SAMM50: variants seen among roughly 807,000 people sequenced by gnomAD.
SAMM50 encodes SAMM50 sorting and assembly machinery component.
A neutral mutation model predicts 66.9 loss-of-function variants in SAMM50; 47 were observed. The ratio of observed to expected loss-of-function variants is 0.70; its 90% CI spans 0.56 to 0.90. The LOEUF is 0.90. SAMM50 is among the 40% of genes least tolerant of loss of function. The probability of loss-of-function intolerance (pLI) is 0.00; values close to 1 mark genes in which losing one functional copy is unlikely to be tolerated. For synonymous variants in SAMM50, 191 were observed against 214.1 expected, an observed-to-expected ratio of 0.89 and a Z score of 0.94; for missense variants, 535 against 595.3, an observed-to-expected ratio of 0.90 and a Z score of 1.05.
chr22:43,962,361 G>A lies in SAMM50; in HGVS notation c.22-925G>A, dbSNP rs6006592. 3.0e-3 allele frequency among the ~76,000 whole-genome samples: 463 copies of A among 152,246 alleles called. 2 individuals carry two copies. The highest frequency in any genetic ancestry group is 0.011 in the African/African-American group (451 of 41,552). ...TCAAAAAACTGTAAGTTGAAGCATT[G>A]TAAGTCAGAGACTGTCTGTCTTAAC... On this transcript the variant is annotated intron_variant, in intron 1 of 14. Coordinates refer to ENST00000350028, the MANE Select transcript of SAMM50 (RefSeq NM_015380.5).
Position 43,955,571 on chromosome 22 carries a change from G to C in SAMM50, c.-7G>C, listed in dbSNP as rs374902835. The C allele has an allele frequency of 2.8e-5, 45 of 1,600,710 alleles. No homozygotes were observed. In the Admixed American group the frequency reaches 4.3e-4, roughly 15 times the overall value. ...AGCTCTGCGAGGCAGCGGCTGGAGA[G>C]GGAACCATGGGGACTGTGCACGCCC... is the stretch of plus-strand genomic sequence containing the variant. On this transcript the variant is annotated 5_prime_UTR_variant, in exon 1 of 15. Transcript: ENST00000350028.
In SAMM50 at chr22:43,986,099, T is replaced by G. The variant is rs552713505; in HGVS notation, c.1075+2099T>G. Among the ~76,000 whole-genome samples, 19 of 146,034 alleles carry G rather than the reference T, an allele frequency of 1.3e-4. No homozygotes were observed. In the East Asian group the frequency reaches 1.4e-3, roughly 11 times the overall value. ...GCTCTGTTGCCCAGACTGGAGTGCA[T>G]TGGCGCAATCTCAGCTCACTGCAAC... On this transcript the variant is annotated intron_variant, in intron 12 of 14. Coordinates refer to ENST00000350028, the MANE Select transcript of SAMM50 (RefSeq NM_015380.5).
At chr22:43,968,645 A>G (rs1248965879) in intron 3 of SAMM50, 86 bp from the exon 4 acceptor site, 5 of 923,084 alleles carry the variant, frequency 5.4e-6, no homozygotes, top group Non-Finnish European at 8.9e-6. Flanking sequence ...CGAATGGTAA[A>G]CTACCAGCCT....
At chr22:43,978,606 G>T (rs1382925080) in intron 10 of SAMM50, among the ~76,000 whole-genome samples, 1 of 151,726 alleles carries the variant, frequency 6.6e-6, no homozygotes, top group East Asian at 1.9e-4. Context: ...TCACTTTGCT[G>T]GGTCTACAGG....
At chr22:43,958,630 C>G (rs979443956) in intron 1 of SAMM50, among the ~76,000 whole-genome samples, 35 of 152,108 alleles carry the variant, frequency 2.3e-4, no homozygotes, top group African/African-American at 8.4e-4. Context: ...AGGCGTGTGC[C>G]ATCACACCTG....
chr22:43,957,052 C>T (rs2050123268), intron 1 of SAMM50: 2 of 1,006,230 alleles, frequency 2.0e-6, no homozygotes, highest in Non-Finnish European at 3.2e-6. Context: ...TGGTCCAAGG[C>T]CATTTTTGCT....
chr22:43,982,825 G>A (rs1393073371), intron 11 of SAMM50, among the ~76,000 whole-genome samples: 1 of 152,102 alleles, frequency 6.6e-6, no homozygotes, highest in Admixed American at 6.5e-5. Context: ...TAGTAGAGGC[G>A]AGGTTTTACC....
intron 13 of SAMM50, among the ~76,000 whole-genome samples, chr22:43,989,976 C>T (rs766861607): frequency 2.0e-4 from 31 of 152,124 alleles, no homozygotes; most frequent in Non-Finnish European, 4.0e-4. Flanking sequence ...AGTGGGGCTT[C>T]CCAGGTGGTC....
chr22:43,957,360 G>T, intron 1 of SAMM50: 1 of 511,186 alleles, frequency 2.0e-6, no homozygotes, highest in Non-Finnish European at 3.6e-6. Flanking sequence ...CTAATGAAAA[G>T]TCAATAAATC....
chr22:43,961,035 G>A (rs957108358), intron 1 of SAMM50, among the ~76,000 whole-genome samples: 1 of 152,160 alleles, frequency 6.6e-6, no homozygotes, highest in African/African-American at 2.4e-5. Context: ...TCTTCCTTTA[G>A]GTACTTCTGA....
intron 9 of SAMM50, among the ~76,000 whole-genome samples, chr22:43,977,228 G>A (rs1023318203): frequency 2.0e-5 from 3 of 152,216 alleles, no homozygotes; most frequent in African/African-American, 7.2e-5. Context: ...AGAGGAGCGT[G>A]CTTCTCTGCT....
At chr22:43,955,725 C>A (rs891323575) in intron 1 of SAMM50, 127 bp downstream of exon 1, 1 of 1,072,278 alleles carries the variant, frequency 9.3e-7, no homozygotes, top group Non-Finnish European at 1.3e-6. Context: ...GGGTGCCGGG[C>A]TGGGTGGAGG....
Position 43,977,878 on chromosome 22 carries a change from G to T in SAMM50, c.856G>T (p.Ala286Ser). ...GAGTGCTCCTTCCCTGCAGGAACTG[G>T]CAGGCTACACTGGCGGGGATGTGAG... ...GALLKVNQEL[A>S]GYTGGDVSFI... is the part of the protein sequence containing the mutation. The change falls in exon 10 of 15, where the codon GCA (alanine) becomes TCA (serine). Residue 286 changes from alanine (A) to serine (S), a missense_variant. Coordinates refer to ENST00000350028, the MANE Select transcript of SAMM50 (RefSeq NM_015380.5). The T allele has an allele frequency of 1.2e-6, 2 of 1,613,200 alleles. No homozygotes were observed. The highest frequency in any genetic ancestry group is 1.1e-5 in the South Asian group (1 of 90,950).
chr22:43,981,582 T>G (rs888865545), intron 11 of SAMM50, 121 bp downstream of exon 11: 11 of 657,098 alleles, frequency 1.7e-5, no homozygotes, highest in Non-Finnish European at 2.9e-5. Context: ...AAATATTCCT[T>G]TAGTATTTAT....
chr22:43,983,379 A>G lies in SAMM50; in HGVS notation c.1008-554A>G, dbSNP rs756060774. On this transcript the variant is annotated intron_variant, in intron 11 of 14. Coordinates refer to ENST00000350028, the MANE Select transcript of SAMM50 (RefSeq NM_015380.5). This position sits in a 1 kb window ranked among gnomAD's most constrained non-coding sequence, Gnocchi z 4.2. ...AATTAATTTTTAATTCACGCTTTTC[A>G]TATTATTCAGATATGGTTGGTGAGA... Among the ~76,000 whole-genome samples, 8 of 152,214 alleles carry G rather than the reference A, an allele frequency of 5.3e-5. No individual in the cohort carries two copies. Among genetic ancestry groups the G allele is most frequent in the Non-Finnish European group, 1.2e-4 (8 of 68,038 alleles).
chr22:43,962,337 C>A lies in SAMM50; in HGVS notation c.22-949C>A, dbSNP rs139805444. 3.4e-3 allele frequency among the ~76,000 whole-genome samples: 510 copies of A among 152,106 alleles called. 3 individuals are homozygous for A. Among genetic ancestry groups the A allele is most frequent in the African/African-American group, 0.012 (479 of 41,510 alleles). On this transcript the variant is annotated intron_variant, in intron 1 of 14. Transcript: ENST00000350028. ...TATCACTTTGGCATCATTGTAAAGT[C>A]AAAAAACTGTAAGTTGAAGCATTGT... is the stretch of plus-strand genomic sequence containing the variant.
intron 1 of SAMM50, among the ~76,000 whole-genome samples, chr22:43,956,033 C>G (rs191990022): frequency 6.6e-6 from 1 of 152,162 alleles, no homozygotes; most frequent in African/African-American, 2.4e-5. Flanking sequence ...ATCTAGGGGT[C>G]CTCTTTTCTC....
rs577313724 is a variant in SAMM50, at chr22:43,955,481, C to G, written c.-97C>G. ...GGGGGTTTGTGGGAGTTGCCTTGAC[C>G]TGCAGCTCCGCCACCGCGGACCCGC... On this transcript the variant is annotated 5_prime_UTR_variant, in exon 1 of 15. Transcript: ENST00000350028. The G allele has an allele frequency of 5.2e-4, 736 of 1,424,802 alleles. 1 individual carries two copies. Among genetic ancestry groups the G allele is most frequent in the Non-Finnish European group, 6.9e-4 (715 of 1,036,086 alleles). The allele number at this position is 1,424,802 out of a possible 1,614,324, so 88.3% of individuals were successfully genotyped here.
intron 14 of SAMM50, 24 bp downstream of exon 14, chr22:43,990,430 A>G: frequency 6.2e-7 from 1 of 1,609,542 alleles, no homozygotes. Context: ...ATTATTTTCC[A>G]CAATCACATC....
Sources: gnomAD v4.1 joint callset for allele counts (sites outside exome capture counted in the v4.1 genomes callset) on GRCh38, gnomAD v4.1.1 for gene constraint, Gnocchi (gnomAD v3.1) non-coding constraint, MANE v1.5 for transcripts, NCBI Gene and HGNC (gene_info 2026-07-23, HGNC 2026-07-21) for gene names.